The following GPS1 variants were observed in gnomAD, a reference collection of about 807,000 sequenced individuals.
GPS1 encodes the protein COP9 signalosome complex subunit 1.
Under a neutral mutation model 60.0 loss-of-function variants are expected in GPS1, and 11 were observed. The observed-to-expected ratio is 0.18, with a 90% CI of 0.12 to 0.30. The LOEUF (loss-of-function observed/expected upper bound fraction) is 0.30. GPS1 is among the 10% of genes least tolerant of loss of function. The pLI, the probability that GPS1 is intolerant of heterozygous loss-of-function variation, is 1.00. For synonymous variants in GPS1, 343 were observed against 269.8 expected (o/e 1.27, Z -2.66); for missense variants, 543 against 669.2 (o/e 0.81, Z 2.08).
rs779811355 is a variant in GPS1, at chr17:82,053,297, C to A, written c.57C>A (p.Ile19=). The change falls in exon 2 of 13, where the codon ATC becomes ATA. Residue 19 remains isoleucine (I), a synonymous_variant. Coordinates refer to ENST00000578552, the MANE Select transcript of GPS1 (RefSeq NM_001321092.3). ...NLQGAVEPMQ[I]DVDPQEDPQN... is the part of the protein sequence containing the mutation. ...AGGGGGCCGTGGAGCCCATGCAGAT[C>A]GACGTGGACCCCCAGGAAGACCCGC... is the stretch of plus-strand genomic sequence containing the variant. The A allele has an allele frequency of 2.6e-6, 4 of 1,549,352 alleles. No individual in the cohort carries two copies. The highest frequency in any genetic ancestry group is 3.5e-6 in the Non-Finnish European group (4 of 1,156,398).
In GPS1 at chr17:82,057,042, C is replaced by T. The variant is rs1413856905; in HGVS notation, c.1390-11C>T. 6 of 1,605,822 alleles carry T rather than the reference C, an allele frequency of 3.7e-6. No individual in the cohort carries two copies. In the Admixed American group the frequency reaches 1.0e-4, roughly 27 times the overall value. ...CTGGTGGCTGTGAGCTGCTCCTTGTCTCCCCTGCAGTCCCCGCCCAGAGAA... is the reference window on the plus strand; with the variant it reads ...CTGGTGGCTGTGAGCTGCTCCTTGTTTCCCCTGCAGTCCCCGCCCAGAGAA... On this transcript the variant is annotated splice_polypyrimidine_tract_variant and intron_variant, in intron 12 of 12. Coordinates refer to ENST00000578552, the MANE Select transcript of GPS1 (RefSeq NM_001321092.3).
chr17:82,054,541 G>A lies in GPS1; in HGVS notation c.340G>A (p.Glu114Lys). 1 of 1,567,402 alleles carries A rather than the reference G, an allele frequency of 6.4e-7. No individual in the cohort carries two copies. The highest frequency in any genetic ancestry group is 8.6e-7 in the Non-Finnish European group (1 of 1,157,282). ...GCAGAACGCACCCGACGCCATCCCTGAGAGCGGCGTGGAGCCCCCAGCCCT... is the reference window on the plus strand; with the variant it reads ...GCAGAACGCACCCGACGCCATCCCTAAGAGCGGCGTGGAGCCCCCAGCCCT... ...ELQNAPDAIP[E>K]SGVEPPALDT... Residue 114 changes from glutamate (E) to lysine (K), a missense_variant, in exon 4 of 13, where the codon GAG becomes AAG. By Grantham distance (56) the Glu-to-Lys change is moderately conservative (BLOSUM62 1). Coordinates refer to ENST00000578552, the MANE Select transcript of GPS1 (RefSeq NM_001321092.3).
At chr17:82,052,700 A>T in intron 1 of GPS1, 1 of 553,618 alleles carries the variant, frequency 1.8e-6, no homozygotes, top group Admixed American at 3.1e-5. Context: ...CGGCTTTTCC[A>T]GCCTGCTTTG....
chr17:82,051,852 C>T, upstream of GPS1: 1 of 1,130,352 alleles, frequency 8.8e-7, no homozygotes, highest in Non-Finnish European at 1.1e-6. The surrounding 1 kb of genome is among the most constrained non-coding windows in gnomAD (Gnocchi z 4.1). Context: ...ACGCAGCGGC[C>T]CCGCCCCGCC....
At chr17:82,056,191 T>C in intron 8 of GPS1, 95 bp from the exon 9 acceptor site, 4 of 1,367,696 alleles carry the variant, frequency 2.9e-6, no homozygotes, top group Non-Finnish European at 4.2e-6. Context: ...GGCCCCAGCG[T>C]TTTCTCAGGT....
In GPS1 at chr17:82,056,843, C is replaced by T. The variant is rs1466271239; in HGVS notation, c.1258C>T (p.Leu420=). 2.5e-6 allele frequency: 4 copies of T among 1,612,536 alleles called. No individual in the cohort carries two copies. The highest frequency in any genetic ancestry group is 1.3e-5 in the African/African-American group (1 of 75,024). ...CGCTGAGCTTGTGCCTGCACAGATC[C>T]TATACGCCCGGGACGTGGATCAGCG... ...SARVDSHSKI[L]YARDVDQRST... The change falls in exon 12 of 13, where the codon CTA becomes TTA. Residue 420 remains leucine (L), a synonymous_variant. Coordinates refer to ENST00000578552, the MANE Select transcript of GPS1 (RefSeq NM_001321092.3).
At chr17:82,054,205 C>T (rs2031920478) in intron 3 of GPS1, 156 bp downstream of exon 3, 3 of 844,562 alleles carry the variant, frequency 3.6e-6, no homozygotes, top group Admixed American at 5.8e-5. Context: ...AGTGGAAGTG[C>T]CCTGTGTGTG....
At position 82,056,510 on chromosome 17, in the gene GPS1, G is replaced by A. The variant is rs778204362; in HGVS notation, c.1076G>A (p.Arg359Lys). Residue 359 changes from arginine (R) to lysine (K), a missense_variant, in exon 10 of 13, where the codon AGG (arginine) becomes AAG (lysine). Physicochemically the swap from Arg to Lys is conservative, Grantham distance 26. Coordinates refer to ENST00000578552, the MANE Select transcript of GPS1 (RefSeq NM_001321092.3). ...LLDMYLAPHVRTLYTQIRNRA... is the reference protein window; with the variant it reads ...LLDMYLAPHVKTLYTQIRNRA... ...GACATGTATCTGGCCCCCCATGTCAGGACCCTGTACACCCAGATTCGCAAC... is the reference window on the plus strand; with the variant it reads ...GACATGTATCTGGCCCCCCATGTCAAGACCCTGTACACCCAGATTCGCAAC... 6.2e-7 allele frequency: 1 copy of A among 1,613,168 alleles called. No individual in the cohort carries two copies. Among genetic ancestry groups the A allele is most frequent in the Non-Finnish European group, 8.5e-7 (1 of 1,179,984 alleles).
chr17:82,055,806 A>T lies in GPS1; in HGVS notation c.815A>T (p.Asp272Val). The change falls in exon 7 of 13, where the codon GAT (aspartate) becomes GTT (valine). Residue 272 changes from aspartate (D) to valine (V), a missense_variant. Asp to Val is a radical substitution (Grantham distance 152, BLOSUM62 -3). Coordinates refer to ENST00000578552, the MANE Select transcript of GPS1 (RefSeq NM_001321092.3). ...AAKCLLLASFDHCDFPELLSP... is the reference protein window; with the variant it reads ...AAKCLLLASFVHCDFPELLSP... ...AAGTGCCTCCTGCTGGCTTCCTTTG[A>T]TCACTGTGACTTCCCTGAGGTGAGG... 1 of 1,563,374 alleles carries T rather than the reference A, an allele frequency of 6.4e-7. No homozygotes were observed. Among genetic ancestry groups the T allele is most frequent in the Non-Finnish European group, 8.7e-7 (1 of 1,153,254 alleles).
chr17:82,051,664 G>C (rs985878626), upstream of GPS1: 6 of 1,003,472 alleles, frequency 6.0e-6, no homozygotes, highest in African/African-American at 1.1e-4. The surrounding 1 kb of genome is among the most constrained non-coding windows in gnomAD (Gnocchi z 4.1). Flanking sequence ...GTCCGGGCCG[G>C]GGCGGGCGCG....
rs2031090164 is a variant in GPS1, at chr17:82,052,534, C to T, written c.33+570C>T. The T allele has an allele frequency of 1.4e-5, 21 of 1,514,836 alleles. No individual in the cohort carries two copies. In the South Asian group the frequency reaches 2.0e-4, roughly 15 times the overall value. The allele number at this position is 1,514,836 out of a possible 1,614,324, so 93.8% of individuals were successfully genotyped here. ...CCGGCCGCCCCTGCTGTGGCTGGGC[C>T]CCTGCTGCTCTGCTGGCCGAGGACA... On this transcript the variant is annotated intron_variant, in intron 1 of 12. Transcript: ENST00000578552.
rs200280861 is a variant in GPS1 at position 82,053,247 on chromosome 17, G to A, written c.34-27G>A. On this transcript the variant is annotated intron_variant, in intron 1 of 12. Transcript: ENST00000578552. ...CTCCTGGGGCAGTCCCCAGGACGAG[G>A]TGCCAGGTGCCTGGCCCATGTTGCA... 3 of 1,518,096 alleles carry A rather than the reference G, an allele frequency of 2.0e-6. No homozygotes were observed. The East Asian group carries it at 7.9e-5, about 40-fold the overall frequency. 94.0% of individuals were successfully genotyped at this position (1,518,096 alleles called of 1,614,324 possible).
intron 1 of GPS1, chr17:82,052,781 T>G: frequency 2.6e-6 from 1 of 387,718 alleles, no homozygotes; most frequent in Non-Finnish European, 4.9e-6. Flanking sequence ...GATGACTCTT[T>G]TCCCCTTCTC....
rs775921338 is a variant in GPS1 at position 82,055,996 on chromosome 17, C to T, written c.835-5C>T. 6.2e-5 allele frequency: 99 copies of T among 1,607,726 alleles called. No individual in the cohort carries two copies. Among genetic ancestry groups the T allele is most frequent in the Middle Eastern group, 1.6e-4 (1 of 6,074 alleles). ...TGCCTGTGACGCCAGGTCTCTGCTCCTCAGCTGCTGTCCCCCAGCAACGTG... is the reference window on the plus strand; with the variant it reads ...TGCCTGTGACGCCAGGTCTCTGCTCTTCAGCTGCTGTCCCCCAGCAACGTG... On this transcript the variant is annotated splice_region_variant and splice_polypyrimidine_tract_variant and intron_variant, in intron 7 of 12. Transcript: ENST00000578552.
In GPS1 at chr17:82,055,987, TCTCTG is replaced by T; in HGVS notation, c.835-10_835-6del. The T allele has an allele frequency of 6.3e-7, 1 of 1,594,410 alleles. No individual in the cohort carries two copies. On this transcript the variant is annotated splice_polypyrimidine_tract_variant and intron_variant, in intron 7 of 12. Coordinates refer to ENST00000578552, the MANE Select transcript of GPS1 (RefSeq NM_001321092.3). ...GCCCTTCACTGCCTGTGACGCCAGG[TCTCTG>T]CTCCTCAGCTGCTGTCCCCCAGCAA...
chr17:82,051,722 C>A, upstream of GPS1: 2 of 1,053,012 alleles, frequency 1.9e-6, no homozygotes, highest in Non-Finnish European at 2.3e-6. This position sits in a 1 kb window ranked among gnomAD's most constrained non-coding sequence, Gnocchi z 4.1. Flanking sequence ...GGGCCGCGGC[C>A]AGCGCGAGGC....
At chr17:82,051,147 G>A (rs1460396022), upstream of GPS1, 5 of 1,315,216 alleles carry the variant, frequency 3.8e-6, no homozygotes, top group East Asian at 1.5e-4. This position sits in a 1 kb window ranked among gnomAD's most constrained non-coding sequence, Gnocchi z 4.1. Flanking sequence ...TCCGCAGGCC[G>A]CGTGACCTGG....
Position 82,052,400 on chromosome 17 carries a change from G to T in GPS1, c.33+436G>T, listed in dbSNP as rs748797995. 5 of 1,611,696 alleles carry T rather than the reference G, an allele frequency of 3.1e-6. No individual in the cohort carries two copies. In the East Asian group the frequency reaches 1.1e-4, roughly 36 times the overall value. On this transcript the variant is annotated intron_variant, in intron 1 of 12. Transcript: ENST00000578552. ...CAGTAGGTCAGACCTCGTCCTGCCC[G>T]GCACGGCCGGGGACTTCAGCCTGAG...
intron 1 of GPS1, chr17:82,052,228 C>A: frequency 6.3e-7 from 1 of 1,589,250 alleles, no homozygotes; most frequent in Non-Finnish European, 8.6e-7. Context: ...CCCGGCCGCC[C>A]CGACGCTAAC....
Sources: gnomAD v4.1 joint callset for allele counts on GRCh38, gnomAD v4.1.1 for gene constraint, Gnocchi (gnomAD v3.1) non-coding constraint, MANE v1.5 for transcripts, NCBI Gene and HGNC (gene_info 2026-07-23, HGNC 2026-07-21) for gene names.